AVEN: variants seen among roughly 807,000 people sequenced by gnomAD.
The protein encoded by AVEN is cell death regulator Aven.
In AVEN, 41 loss-of-function variants were observed where a neutral mutation model predicts 38.1. The observed-to-expected ratio is 1.08, with a 90% confidence interval of 0.84 to 1.40. AVEN has a LOEUF of 1.40. Ranked by LOEUF, AVEN falls within the 40% of genes most tolerant of loss-of-function variation. AVEN has a pLI of 0.00. For synonymous variants in AVEN, 206 were observed against 171.8 expected (o/e 1.20, Z -1.56); for missense variants, 605 against 438.8 (o/e 1.38, Z -3.38).
downstream of AVEN, chr15:33,865,381 A>G (rs1345901026): frequency 8.0e-6 from 5 of 622,820 alleles, no homozygotes; most frequent in Admixed American, 1.5e-4. Context: ...TTTGAAATTG[A>G]TTTGGCTTTT....
chr15:33,911,335 A>T (rs1206993801), intron 2 of AVEN, among the ~76,000 whole-genome samples: 1 of 152,220 alleles, frequency 6.6e-6, no homozygotes, highest in African/African-American at 2.4e-5. Context: ...CAGAGCACGC[A>T]CAACAAAATC....
chr15:33,900,454 T>C (rs1481891400), intron 2 of AVEN, among the ~76,000 whole-genome samples: 1 of 152,026 alleles, frequency 6.6e-6, no homozygotes, highest in South Asian at 2.1e-4. Flanking sequence ...ACTACAGGCA[T>C]GAGCCACCAC....
chr15:33,885,689 C>T (rs1163233080), intron 2 of AVEN: 1 of 152,170 alleles, frequency 6.6e-6, no homozygotes, highest in Non-Finnish European at 1.5e-5. Context: ...TAGGTTGTGC[C>T]TATCTTCCCA....
At chr15:33,957,982 G>A (rs1473308103) in intron 2 of AVEN, among the ~76,000 whole-genome samples, 2 of 152,146 alleles carry the variant, frequency 1.3e-5, no homozygotes, top group African/African-American at 2.4e-5. Context: ...TACTAAATCT[G>A]AAACTCTGAG....
At chr15:33,936,291 G>A (rs1451320257) in intron 2 of AVEN, among the ~76,000 whole-genome samples, 1 of 152,182 alleles carries the variant, frequency 6.6e-6, no homozygotes, top group Admixed American at 6.5e-5. Flanking sequence ...AAAAGCATCT[G>A]CAGACAAACT....
At chr15:33,974,959 C>T (rs1045731734) in intron 2 of AVEN, among the ~76,000 whole-genome samples, 9 of 151,984 alleles carry the variant, frequency 5.9e-5, no homozygotes, top group South Asian at 2.1e-4. Context: ...GCAACAAGGG[C>T]GAAACTCTAT....
At chr15:33,905,111 C>A (rs1326778650) in intron 2 of AVEN, among the ~76,000 whole-genome samples, 1 of 115,484 alleles carries the variant, frequency 8.7e-6, no homozygotes, top group African/African-American at 3.5e-5. Flanking sequence ...GCCTGGGCGA[C>A]AGAGCAAGAC....
chr15:33,890,951 T>A (rs2153040414), intron 2 of AVEN, among the ~76,000 whole-genome samples: 1 of 152,084 alleles, frequency 6.6e-6, no homozygotes, highest in Non-Finnish European at 1.5e-5. Context: ...CTACCAAAAA[T>A]TTAAAGAATT....
chr15:33,914,804 T>G (rs914794957), intron 2 of AVEN, among the ~76,000 whole-genome samples: 2 of 152,006 alleles, frequency 1.3e-5, no homozygotes, highest in African/African-American at 4.8e-5. Context: ...TATGCATGCA[T>G]GTAGTTCATA....
chr15:33,873,118 T>G, intron 3 of AVEN, among the ~76,000 whole-genome samples: 1 of 144,336 alleles, frequency 6.9e-6, no homozygotes, highest in East Asian at 2.0e-4. Context: ...TTTTTTTTTT[T>G]TGAGATGGAG....
At chr15:33,854,403 A>G (rs1466702657), downstream of AVEN, 4 of 1,574,366 alleles carry the variant, frequency 2.5e-6, no homozygotes, top group South Asian at 1.2e-5. Flanking sequence ...AGTTCCATAG[A>G]CATGAAGTAC....
At chr15:33,946,320 G>C (rs1447712539) in intron 2 of AVEN, among the ~76,000 whole-genome samples, 6 of 152,108 alleles carry the variant, frequency 3.9e-5, no homozygotes, top group Admixed American at 3.9e-4. Context: ...GGCAGAGGTA[G>C]GGCTGAAAAA....
In AVEN at chr15:33,866,233, G is replaced by C. The variant is rs995138547; in HGVS notation, c.*380C>G. On this transcript the variant is annotated 3_prime_UTR_variant, in exon 6 of 6. Coordinates refer to ENST00000306730, the MANE Select transcript of AVEN (RefSeq NM_020371.3). Reference sequence around the variant, plus strand: ...CAAGAAAGGAAAGGAAAACTGGACAGACCAGCATTTGTTTATTTTGGCCAA... The same window carrying C: ...CAAGAAAGGAAAGGAAAACTGGACACACCAGCATTTGTTTATTTTGGCCAA... 7 of 201,398 alleles carry C rather than the reference G, an allele frequency of 3.5e-5. No individual in the cohort carries two copies. Among genetic ancestry groups the C allele is most frequent in the Non-Finnish European group, 6.1e-5 (6 of 98,672 alleles). 12.5% of individuals were successfully genotyped at this position (201,398 alleles called of 1,614,324 possible). A position where few individuals can be genotyped will look rare whatever the true frequency, so the allele number is the denominator to read the frequency against.
chr15:33,930,534 CTT>C (rs1436159020), intron 2 of AVEN, among the ~76,000 whole-genome samples: 4 of 152,156 alleles, frequency 2.6e-5, no homozygotes, highest in Admixed American at 2.6e-4. Context: ...AATAATCTCT[CTT>C]CTTTTCACAT....
chr15:33,905,219 C>A (rs1468656876), intron 2 of AVEN, among the ~76,000 whole-genome samples: 6 of 150,286 alleles, frequency 4.0e-5, no homozygotes, highest in Middle Eastern at 3.2e-3. Context: ...AACAAACAAA[C>A]AAAAAAACCC....
rs540511747 is a variant in AVEN at position 33,981,804 on chromosome 15, C to G, written c.445+21228G>C. Among the ~76,000 whole-genome samples the G allele has an allele frequency of 2.6e-5, 4 of 152,086 alleles. No homozygotes were observed. The East Asian group carries it at 7.7e-4, about 29-fold the overall frequency. On this transcript the variant is annotated intron_variant, in intron 2 of 5. Coordinates refer to ENST00000306730, the MANE Select transcript of AVEN (RefSeq NM_020371.3). The stretch of plus-strand genomic sequence containing the variant: ...TTTAAACAAAATGTATACAAAATAC[C>G]AAATATCTAGCCAGGTACTCTATAA...
At chr15:33,911,230 G>A (rs530489968) in intron 2 of AVEN, among the ~76,000 whole-genome samples, 3 of 152,268 alleles carry the variant, frequency 2.0e-5, no homozygotes, top group South Asian at 2.1e-4. Flanking sequence ...CAAAACACAT[G>A]GTTGAAACTT....
chr15:33,854,448 A>G (rs1464670442), downstream of AVEN: 1 of 1,568,706 alleles, frequency 6.4e-7, no homozygotes, highest in Non-Finnish European at 8.6e-7. Flanking sequence ...TTTACTGACA[A>G]CGTAAGTACT....
chr15:34,017,485 T>TTTTG (rs1001107171), intron 1 of AVEN, among the ~76,000 whole-genome samples: 11 of 24,400 alleles, frequency 4.5e-4, no homozygotes, highest in South Asian at 1.8e-3. Flanking sequence ...TTTTTTTTTG[T>TTTTG]TTTTTTTTTT....
Sources: gnomAD v4.1 joint callset for allele counts (sites outside exome capture counted in the v4.1 genomes callset) on GRCh38, gnomAD v4.1.1 for gene constraint, MANE v1.5 for transcripts, NCBI Gene and HGNC (gene_info 2026-07-23, HGNC 2026-07-21) for gene names.